STAG1: variants seen among roughly 807,000 people sequenced by gnomAD.
The protein encoded by STAG1 is cohesin subunit SA-1.
STAG1 carries 26 observed loss-of-function variants against 170.9 expected under a neutral mutation model. That is an observed-to-expected ratio of 0.15 (90% CI 0.11 to 0.21). The LOEUF (loss-of-function observed/expected upper bound fraction) is 0.21, where lower values mean the gene tolerates loss of function less well. Ranked by LOEUF, STAG1 falls within the 10% of genes least tolerant of loss-of-function variation. The pLI is 1.00. For missense variants in STAG1, 964 were observed against 1,509.5 expected (o/e 0.64, Z 5.99); for synonymous variants, 514 against 497.7 (o/e 1.03, Z -0.44).
At chr3:136,575,629 G>T (rs1220682852) in intron 4 of STAG1, among the ~76,000 whole-genome samples, 1 of 149,356 alleles carries the variant, frequency 6.7e-6, no homozygotes, top group African/African-American at 2.4e-5. Flanking sequence ...CAAAGAGAAG[G>T]CTATAGCTTT....
intron 1 of STAG1, among the ~76,000 whole-genome samples, chr3:136,639,964 A>C (rs1392396817): frequency 1.3e-5 from 2 of 152,218 alleles, no homozygotes; most frequent in Non-Finnish European, 2.9e-5. Context: ...CCCACAATTT[A>C]TAACTCAAGC....
chr3:136,731,103 C>G (rs1381122240), intron 1 of STAG1, among the ~76,000 whole-genome samples: 2 of 152,152 alleles, frequency 1.3e-5, no homozygotes, highest in African/African-American at 4.8e-5. Flanking sequence ...CCTGAAATGT[C>G]ATTCTCATCT....
At chr3:136,628,188 C>T (rs909115118) in intron 2 of STAG1, among the ~76,000 whole-genome samples, 1 of 152,122 alleles carries the variant, frequency 6.6e-6, no homozygotes, top group Non-Finnish European at 1.5e-5. Flanking sequence ...TCCACTCCCC[C>T]ACTTCTCTCT....
At chr3:136,399,731 G>T (rs2087263986) in intron 21 of STAG1, among the ~76,000 whole-genome samples, 1 of 152,074 alleles carries the variant, frequency 6.6e-6, no homozygotes, top group African/African-American at 2.4e-5. Context: ...GAGGTTTTCA[G>T]AGTTTTTAGT....
At chr3:136,458,840 T>A (rs1377100962) in intron 13 of STAG1, among the ~76,000 whole-genome samples, 1 of 151,934 alleles carries the variant, frequency 6.6e-6, no homozygotes, top group Non-Finnish European at 1.5e-5. Context: ...AAAAAGATAA[T>A]CCATGCACTT....
At chr3:136,528,498 C>CA (rs916426524) in intron 6 of STAG1, among the ~76,000 whole-genome samples, 6 of 137,252 alleles carry the variant, frequency 4.4e-5, no homozygotes, top group East Asian at 2.0e-4. Context: ...CCCCGCACCC[C>CA]CCCCCCCAAA....
At chr3:136,493,744 AG>A (rs2090164476) in intron 9 of STAG1, among the ~76,000 whole-genome samples, 1 of 152,050 alleles carries the variant, frequency 6.6e-6, no homozygotes, top group Non-Finnish European at 1.5e-5. Flanking sequence ...CAAAATTACA[AG>A]TCCATTATTA....
At chr3:136,556,224 C>T (rs1479984397) in intron 5 of STAG1, among the ~76,000 whole-genome samples, 4 of 152,164 alleles carry the variant, frequency 2.6e-5, no homozygotes, top group Non-Finnish European at 1.5e-5. Context: ...TTCACACATA[C>T]ATCCCCTTCA....
chr3:136,722,096 A>G (rs752264791), intron 1 of STAG1, among the ~76,000 whole-genome samples: 1 of 151,656 alleles, frequency 6.6e-6, no homozygotes, highest in Non-Finnish European at 1.5e-5. Flanking sequence ...GGTGGTGCAC[A>G]CCTGTGGTAA....
chr3:136,528,383 C>T (rs563976396), intron 6 of STAG1, among the ~76,000 whole-genome samples: 60 of 151,886 alleles, frequency 4.0e-4, no homozygotes, highest in Non-Finnish European at 5.1e-4. Flanking sequence ...CTGAGCCAGG[C>T]GCTATAAGAG....
chr3:136,734,538 A>T (rs1228057942), intron 1 of STAG1, among the ~76,000 whole-genome samples: 1 of 152,154 alleles, frequency 6.6e-6, no homozygotes, highest in Non-Finnish European at 1.5e-5. Flanking sequence ...CTTCTGACCT[A>T]TGTTTGTCAT....
intron 23 of STAG1, among the ~76,000 whole-genome samples, chr3:136,372,854 T>TG (rs1409701337): frequency 2.6e-5 from 4 of 152,216 alleles, no homozygotes; most frequent in Non-Finnish European, 5.9e-5. Flanking sequence ...AGGATGCTGC[T>TG]GGCCTCATAA....
At chr3:136,739,374 GCTGGGC>G (rs1390418808) in intron 1 of STAG1, among the ~76,000 whole-genome samples, 1 of 151,862 alleles carries the variant, frequency 6.6e-6, no homozygotes, top group African/African-American at 2.4e-5. Flanking sequence ...ATTTTAATTA[GCTGGGC>G]CTGGTGGCAC....
intron 1 of STAG1, among the ~76,000 whole-genome samples, chr3:136,674,716 CT>C (rs556992867): frequency 5.5e-4 from 84 of 152,258 alleles, no homozygotes; most frequent in Middle Eastern, 6.8e-3. Context: ...ACAATGTATA[CT>C]TATGTCAAAA....
chr3:136,409,891 C>T (rs2087578057), intron 21 of STAG1, among the ~76,000 whole-genome samples: 1 of 151,954 alleles, frequency 6.6e-6, no homozygotes, highest in Non-Finnish European at 1.5e-5. Context: ...CCAGCCTGGG[C>T]AACATAGCGA....
At chr3:136,742,091 A>G (rs1325481453) in intron 1 of STAG1, among the ~76,000 whole-genome samples, 1 of 152,242 alleles carries the variant, frequency 6.6e-6, no homozygotes, top group East Asian at 1.9e-4. Flanking sequence ...ATAATTCCAC[A>G]GTCATAGTTG....
chr3:136,632,444 G>A (rs1425003332), intron 1 of STAG1, among the ~76,000 whole-genome samples: 2 of 152,094 alleles, frequency 1.3e-5, no homozygotes, highest in Non-Finnish European at 1.5e-5. Flanking sequence ...CAAACTCTTG[G>A]TGCAACTTGC....
intron 1 of STAG1, among the ~76,000 whole-genome samples, chr3:136,688,386 T>G (rs901351689): frequency 4.6e-5 from 7 of 152,090 alleles, no homozygotes; most frequent in Admixed American, 1.3e-4. Flanking sequence ...TCTACCAAAG[T>G]ACAAAAAGTT....
intron 9 of STAG1, among the ~76,000 whole-genome samples, chr3:136,478,744 C>G (rs557361389): frequency 5.1e-4 from 78 of 152,232 alleles, no homozygotes; most frequent in African/African-American, 1.8e-3. Context: ...AGCCATACTG[C>G]CAATTACAAC....
Sources: gnomAD v4.1 joint callset for allele counts (sites outside exome capture counted in the v4.1 genomes callset) on GRCh38, gnomAD v4.1.1 for gene constraint, MANE v1.5 for transcripts, NCBI Gene and HGNC (gene_info 2026-07-23, HGNC 2026-07-21) for gene names.